The following JAKMIP1 variants were observed in gnomAD, a reference collection of about 807,000 sequenced individuals.
The protein encoded by JAKMIP1 is janus kinase and microtubule-interacting protein 1.
A neutral mutation model predicts 113.0 loss-of-function variants in JAKMIP1; 33 were observed. The observed-to-expected ratio is 0.29, with a 90% CI of 0.22 to 0.39. The LOEUF (loss-of-function observed/expected upper bound fraction) is 0.39, where lower values mean the gene tolerates loss of function less well. JAKMIP1 is among the 10% of genes least tolerant of loss of function. The pLI is 1.00. For synonymous variants in JAKMIP1, 480 were observed against 459.9 expected (o/e 1.04, Z -0.56); for missense variants, 813 against 1,080.5 (o/e 0.75, Z 3.47).
chr4:6,083,534 G>A (rs1485673658), intron 5 of JAKMIP1, among the ~76,000 whole-genome samples: 1 of 151,388 alleles, frequency 6.6e-6, no homozygotes, highest in Non-Finnish European at 1.5e-5. Flanking sequence ...TGCAGCTCAT[G>A]AGTATTTATG....
intron 10 of JAKMIP1, 63 bp downstream of exon 10, chr4:6,062,249 G>T (rs1460129031): frequency 2.5e-5 from 39 of 1,582,162 alleles, no homozygotes; most frequent in Non-Finnish European, 2.2e-5. Context: ...CACACTTCTG[G>T]AAAGGACCTA....
chr4:6,044,938 G>GC lies in JAKMIP1; in HGVS notation c.2029-2712dup, dbSNP rs1339197545. On this transcript the variant is annotated intron_variant, in intron 16 of 20. Coordinates refer to ENST00000409021, the MANE Select transcript of JAKMIP1 (RefSeq NM_001099433.2). The surrounding 1 kb of genome is among the most constrained non-coding windows in gnomAD (Gnocchi z 4.4). ...CCAACCCCAGGAGAGGGGGTCTCAGGCTGGGGAGGAGAAGTGAGTCCACTC... is the reference window on the plus strand; with the variant it reads ...CCAACCCCAGGAGAGGGGGTCTCAGGCCTGGGGAGGAGAAGTGAGTCCACTC... Among the ~76,000 whole-genome samples the GC allele has an allele frequency of 2.0e-5, 3 of 152,238 alleles. No individual in the cohort carries two copies. Among genetic ancestry groups the GC allele is most frequent in the African/African-American group, 7.2e-5 (3 of 41,470 alleles).
rs557064255 is a variant in JAKMIP1 at position 6,197,199 on chromosome 4, C to T, written c.-148+3054G>A. Among the ~76,000 whole-genome samples the T allele has an allele frequency of 3.3e-5, 5 of 152,312 alleles. No homozygotes were observed. Among genetic ancestry groups the T allele is most frequent in the East Asian group, 1.9e-4 (1 of 5,180 alleles). ...TACAGGGGCTAAGCGACTTGCCCAA[C>T]GTCACACTGTCAGTAGGGTGGGAGC... On this transcript the variant is annotated intron_variant, in intron 1 of 20. Coordinates refer to ENST00000409021, the MANE Select transcript of JAKMIP1 (RefSeq NM_001099433.2). The surrounding 1 kb of genome is among the most constrained non-coding windows in gnomAD (Gnocchi z 6.5).
intron 1 of JAKMIP1, among the ~76,000 whole-genome samples, chr4:6,152,385 C>T (rs377007825): frequency 2.3e-4 from 35 of 152,134 alleles, no homozygotes; most frequent in Non-Finnish European, 3.4e-4. Context: ...CTCCTAGAAC[C>T]GCCCTCACCC....
chr4:6,053,916 A>G, intron 13 of JAKMIP1, 134 bp downstream of exon 13: 1 of 1,542,230 alleles, frequency 6.5e-7, no homozygotes, highest in Non-Finnish European at 8.7e-7. Flanking sequence ...AAAAGAAAGA[A>G]AGAAAGAAAG....
rs1028401042 is a variant in JAKMIP1, at chr4:6,197,902, A to G, written c.-148+2351T>C. 6.6e-6 allele frequency among the ~76,000 whole-genome samples: 1 copy of G among 152,164 alleles called. No individual in the cohort carries two copies. Among genetic ancestry groups the G allele is most frequent in the Non-Finnish European group, 1.5e-5 (1 of 68,026 alleles). On this transcript the variant is annotated intron_variant, in intron 1 of 20. Transcript: ENST00000409021. The surrounding 1 kb of genome is among the most constrained non-coding windows in gnomAD (Gnocchi z 6.5). ...CCTCTGCCACTTGTCCCACAGCCCA[A>G]TCCACCCTTACACACCAAGAGAGTG...
rs192093257 is a variant in JAKMIP1, at chr4:6,143,828, C to G, written c.-147-30831G>C. 6.6e-6 allele frequency among the ~76,000 whole-genome samples: 1 copy of G among 152,324 alleles called. No homozygotes were observed. Among genetic ancestry groups the G allele is most frequent in the East Asian group, 1.9e-4 (1 of 5,182 alleles). ...AGAAAAAAGAACAATTTCTGGTCAT[C>G]AGGGAATAACAGAAGGCTTGTAGGA... On this transcript the variant is annotated intron_variant, in intron 1 of 20. Transcript: ENST00000409021. The surrounding 1 kb of genome is among the most constrained non-coding windows in gnomAD (Gnocchi z 4.9).
In JAKMIP1 at chr4:6,105,888, G is replaced by A; in HGVS notation, c.209C>T (p.Ser70Leu). 6.2e-7 allele frequency: 1 copy of A among 1,612,066 alleles called. No homozygotes were observed. The highest frequency in any genetic ancestry group is 1.7e-5 in the Admixed American group (1 of 60,008). The change falls in exon 3 of 21, where the codon TCG becomes TTG. Residue 70 changes from serine to leucine, a missense_variant. By Grantham distance (145) the Ser-to-Leu change is moderately radical. Transcript: ENST00000409021. ...QEQRRHTAYI[S>L]ELKAKLHEEK... ...CTCATGCAGCTTGGCCTTGAGCTCC[G>A]AAATGTAGGCCGTGTGCCGTCGCTG...
chr4:6,040,561 G>A lies in JAKMIP1; in HGVS notation c.2175+78C>T. On this transcript the variant is annotated intron_variant, in intron 18 of 20. Coordinates refer to ENST00000409021, the MANE Select transcript of JAKMIP1 (RefSeq NM_001099433.2). The surrounding 1 kb of genome is among the most constrained non-coding windows in gnomAD (Gnocchi z 5.8). ...GGCACTGGGGAGCGCCCTAAATGCA[G>A]TTTCAGCCCCAGAGGAAAAAGCAGC... 2 of 1,049,912 alleles carry A rather than the reference G, an allele frequency of 1.9e-6. No homozygotes were observed. Among genetic ancestry groups the A allele is most frequent in the Non-Finnish European group, 2.9e-6 (2 of 680,922 alleles). The allele number at this position is 1,049,912 out of a possible 1,614,324, so 65.0% of individuals were successfully genotyped here.
rs1490363292 is a variant in JAKMIP1, at chr4:6,157,705, T to A, written c.-148+42548A>T. 2.0e-5 allele frequency among the ~76,000 whole-genome samples: 3 copies of A among 152,184 alleles called. No individual in the cohort carries two copies. The highest frequency in any genetic ancestry group is 4.4e-5 in the Non-Finnish European group (3 of 68,036). ...TTTCTCCTGTTTAAACTGGTGCCAG[T>A]TGTCTGTGGTTTCACATTCACTGAG... is the stretch of plus-strand genomic sequence containing the variant. On this transcript the variant is annotated intron_variant, in intron 1 of 20. Coordinates refer to ENST00000409021, the MANE Select transcript of JAKMIP1 (RefSeq NM_001099433.2). The surrounding 1 kb of genome is among the most constrained non-coding windows in gnomAD (Gnocchi z 4.7).
At chr4:6,148,970 G>T (rs530401595) in intron 1 of JAKMIP1, among the ~76,000 whole-genome samples, 1 of 152,182 alleles carries the variant, frequency 6.6e-6, no homozygotes, top group Non-Finnish European at 1.5e-5. Flanking sequence ...TGAGTTTCTG[G>T]CCCAGGTGCC....
At chr4:6,127,872 C>T (rs979200051) in intron 1 of JAKMIP1, among the ~76,000 whole-genome samples, 2 of 152,366 alleles carry the variant, frequency 1.3e-5, no homozygotes, top group South Asian at 2.1e-4. Flanking sequence ...CTAACCTCTG[C>T]CCTTAGCTCC....
At chr4:6,030,906 C>T (rs1322531343) in intron 19 of JAKMIP1, among the ~76,000 whole-genome samples, 1 of 152,162 alleles carries the variant, frequency 6.6e-6, no homozygotes, top group Non-Finnish European at 1.5e-5. Flanking sequence ...GTGAAAGTTG[C>T]ACTCCAGCAT....
chr4:6,036,235 G>C, intron 18 of JAKMIP1, 128 bp from the exon 19 acceptor site: 1 of 707,366 alleles, frequency 1.4e-6, no homozygotes, highest in South Asian at 1.9e-5. Flanking sequence ...AACTGGCAGG[G>C]GCCAAGCACA....
chr4:6,072,620 T>G (rs1377464813), intron 8 of JAKMIP1, among the ~76,000 whole-genome samples: 1 of 152,186 alleles, frequency 6.6e-6, no homozygotes, highest in African/African-American at 2.4e-5. Flanking sequence ...TCACTACTAT[T>G]AGCCTCTCTG....
Position 6,137,568 on chromosome 4 carries a change from C to G in JAKMIP1, c.-147-24571G>C, listed in dbSNP as rs566703495. On this transcript the variant is annotated intron_variant, in intron 1 of 20. Coordinates refer to ENST00000409021, the MANE Select transcript of JAKMIP1 (RefSeq NM_001099433.2). The surrounding 1 kb of genome is among the most constrained non-coding windows in gnomAD (Gnocchi z 4.5). Reference sequence around the variant, plus strand: ...GTTGAACGTTCCAGATGGCCTCACTCGAGAGACGCTCTTTTTCAGCCAATC... The same window carrying G: ...GTTGAACGTTCCAGATGGCCTCACTGGAGAGACGCTCTTTTTCAGCCAATC... Among the ~76,000 whole-genome samples the G allele has an allele frequency of 2.0e-5, 3 of 152,198 alleles. No individual in the cohort carries two copies. Among genetic ancestry groups the G allele is most frequent in the East Asian group, 1.9e-4 (1 of 5,186 alleles).
At chr4:6,120,599 A>G (rs1162274963) in intron 1 of JAKMIP1, among the ~76,000 whole-genome samples, 3 of 152,224 alleles carry the variant, frequency 2.0e-5, no homozygotes, top group Admixed American at 6.5e-5. Context: ...AGAGATGGGG[A>G]ATGTGCTTCT....
chr4:6,152,461 T>G (rs1721685130), intron 1 of JAKMIP1, among the ~76,000 whole-genome samples: 2 of 152,172 alleles, frequency 1.3e-5, no homozygotes, highest in Admixed American at 6.5e-5. Flanking sequence ...AGATAAGGCC[T>G]GGCATTGGAA....
rs1249137515 is a variant in JAKMIP1, at chr4:6,143,376, C to T, written c.-147-30379G>A. Among the ~76,000 whole-genome samples, 1 of 152,166 alleles carries T rather than the reference C, an allele frequency of 6.6e-6. No homozygotes were observed. Among genetic ancestry groups the T allele is most frequent in the Admixed American group, 6.5e-5 (1 of 15,284 alleles). Reference sequence around the variant, plus strand: ...GCCTCCTTTGCCATCAGCAAGGCCTCGAAACTCAGCTGCCACCAACTCCTC... The same window carrying T: ...GCCTCCTTTGCCATCAGCAAGGCCTTGAAACTCAGCTGCCACCAACTCCTC... On this transcript the variant is annotated intron_variant, in intron 1 of 20. Transcript: ENST00000409021. The surrounding 1 kb of genome is among the most constrained non-coding windows in gnomAD (Gnocchi z 4.9).
Sources: gnomAD v4.1 joint callset for allele counts (sites outside exome capture counted in the v4.1 genomes callset) on GRCh38, gnomAD v4.1.1 for gene constraint, Gnocchi (gnomAD v3.1) non-coding constraint, MANE v1.5 for transcripts, NCBI Gene and HGNC (gene_info 2026-07-23, HGNC 2026-07-21) for gene names.